RHBDL2: variants seen among roughly 807,000 people sequenced by gnomAD.
RHBDL2 encodes rhomboid-related protein 2.
In RHBDL2, 26 loss-of-function variants were observed where a neutral mutation model predicts 31.7. That is an observed-to-expected ratio of 0.82 (90% confidence interval 0.60 to 1.14). The LOEUF is 1.14. RHBDL2 is among the 50% of genes most tolerant of loss of function. RHBDL2 has a pLI of 0.00. For synonymous variants in RHBDL2, 123 were observed against 127.2 expected (o/e 0.97, Z 0.22); for missense variants, 336 against 364.4 (o/e 0.92, Z 0.63).
intron 6 of RHBDL2, among the ~76,000 whole-genome samples, chr1:38,888,250 T>A (rs1366041828): frequency 6.6e-6 from 1 of 152,106 alleles, no homozygotes; most frequent in Admixed American, 6.6e-5. Context: ...CAACAAGCAT[T>A]CATTGTCCTC....
intron 7 of RHBDL2, among the ~76,000 whole-genome samples, chr1:38,887,613 C>G (rs992475626): frequency 3.3e-5 from 5 of 151,830 alleles, no homozygotes; most frequent in African/African-American, 1.2e-4. Flanking sequence ...TTAGTAGAGA[C>G]GGGGTTTCAT....
chr1:38,890,309 C>A (rs35750427), intron 6 of RHBDL2, among the ~76,000 whole-genome samples: 1 of 152,068 alleles, frequency 6.6e-6, no homozygotes, highest in Non-Finnish European at 1.5e-5. Flanking sequence ...CGTGAGCTAC[C>A]GTGCCTGGCC....
At chr1:38,912,351 C>T (rs2124327200) in intron 3 of RHBDL2, among the ~76,000 whole-genome samples, 1 of 151,584 alleles carries the variant, frequency 6.6e-6, no homozygotes, top group East Asian at 1.9e-4. Context: ...TTGATCCACC[C>T]GCCTTGGCCT....
chr1:38,906,841 T>C (rs1019773493), intron 4 of RHBDL2, among the ~76,000 whole-genome samples: 7 of 152,130 alleles, frequency 4.6e-5, no homozygotes, highest in Admixed American at 3.3e-4. Context: ...TCTCCCCAAA[T>C]TGATGTACAG....
At chr1:38,912,898 ATATATATATATATGTG>A (rs1488038834) in intron 3 of RHBDL2, among the ~76,000 whole-genome samples, 3,515 of 83,962 alleles carry the variant, frequency 0.042, 69 homozygotes, top group Non-Finnish European at 0.059. Context: ...ATATATATAT[ATATATATATATATGTG>A]TGTGTGTGTG....
intron 1 of RHBDL2, among the ~76,000 whole-genome samples, chr1:38,919,710 G>A (rs1450072619): frequency 6.6e-6 from 1 of 151,736 alleles, no homozygotes; most frequent in East Asian, 1.9e-4. Flanking sequence ...CTGGGTTCAA[G>A]CAATTCTTCT....
At chr1:38,892,396 A>G (rs940708659) in intron 6 of RHBDL2, among the ~76,000 whole-genome samples, 1 of 152,188 alleles carries the variant, frequency 6.6e-6, no homozygotes, top group Non-Finnish European at 1.5e-5. Context: ...AAGTGAAGCT[A>G]TTGTGGTTCA....
chr1:38,931,098 C>G (rs2124352577), intron 1 of RHBDL2, among the ~76,000 whole-genome samples: 1 of 152,310 alleles, frequency 6.6e-6, no homozygotes, highest in East Asian at 1.9e-4. Context: ...TTTGAGTTCA[C>G]CCCGGATCAA....
chr1:38,935,806 GT>G (rs2124356687), intron 1 of RHBDL2, among the ~76,000 whole-genome samples: 1 of 152,052 alleles, frequency 6.6e-6, no homozygotes, highest in East Asian at 1.9e-4. Flanking sequence ...TAGAGACAGG[GT>G]TTAGCCATGT....
At chr1:38,887,865 T>C in intron 7 of RHBDL2, 98 bp downstream of exon 7, 1 of 823,598 alleles carries the variant, frequency 1.2e-6, no homozygotes, top group Non-Finnish European at 2.0e-6. Flanking sequence ...CAAATGGAAA[T>C]TTGGCTGCCC....
At chr1:38,913,675 T>C (rs573771596) in intron 3 of RHBDL2, 6 of 151,838 alleles carry the variant, frequency 4.0e-5, no homozygotes, top group African/African-American at 1.4e-4. Flanking sequence ...AAGTCCAGAG[T>C]TGGGTAGACT....
intron 1 of RHBDL2, among the ~76,000 whole-genome samples, chr1:38,928,680 A>G (rs920770345): frequency 6.9e-5 from 10 of 145,582 alleles, no homozygotes; most frequent in African/African-American, 2.6e-4. Context: ...TCCCTACCTC[A>G]GGTGATCCAC....
At chr1:38,913,347 A>G (rs79000951) in intron 3 of RHBDL2, among the ~76,000 whole-genome samples, 3,133 of 151,932 alleles carry the variant, frequency 0.021, 118 homozygotes, top group African/African-American at 0.068. Flanking sequence ...TTATCATCTT[A>G]AAGTCCTTGT....
At chr1:38,901,905 C>A (rs1642995824) in intron 4 of RHBDL2, among the ~76,000 whole-genome samples, 1 of 151,148 alleles carries the variant, frequency 6.6e-6, no homozygotes, top group Non-Finnish European at 1.5e-5. Context: ...GAGAAACAAA[C>A]AAATGCATTA....
At chr1:38,886,814 G>A in intron 7 of RHBDL2, 131 bp from the exon 8 acceptor site, 2 of 617,216 alleles carry the variant, frequency 3.2e-6, no homozygotes, top group Admixed American at 8.0e-5. Context: ...AGAGAACTAG[G>A]GGTAAGGCAA....
chr1:38,899,856 C>T (rs771349117), intron 4 of RHBDL2, among the ~76,000 whole-genome samples: 3 of 152,174 alleles, frequency 2.0e-5, no homozygotes, highest in Non-Finnish European at 4.4e-5. Flanking sequence ...ATGGCAGCAA[C>T]ACCATGGTCC....
intron 6 of RHBDL2, 91 bp from the exon 7 acceptor site, chr1:38,888,115 C>A (rs1041243273): frequency 3.8e-6 from 3 of 785,944 alleles, no homozygotes; most frequent in Non-Finnish European, 6.4e-6. Flanking sequence ...ATAATACTAG[C>A]TATCATTTAT....
At chr1:38,904,659 C>T (rs562802670) in intron 4 of RHBDL2, among the ~76,000 whole-genome samples, 1 of 149,732 alleles carries the variant, frequency 6.7e-6, no homozygotes, top group Non-Finnish European at 1.5e-5. Flanking sequence ...AAAACACTGT[C>T]TCTACAGAAA....
At chr1:38,931,372 T>A (rs1478929021) in intron 1 of RHBDL2, among the ~76,000 whole-genome samples, 1 of 151,860 alleles carries the variant, frequency 6.6e-6, no homozygotes, top group African/African-American at 2.4e-5. Context: ...ATACAAAAAA[T>A]TAGCTGGGCG....
Sources: gnomAD v4.1 joint callset for allele counts (sites outside exome capture counted in the v4.1 genomes callset) on GRCh38, gnomAD v4.1.1 for gene constraint, MANE v1.5 for transcripts, NCBI Gene and HGNC (gene_info 2026-07-23, HGNC 2026-07-21) for gene names.